XDH: variants seen among roughly 807,000 people sequenced by gnomAD.
XDH encodes xanthine dehydrogenase/oxidase.
XDH carries 138 observed loss-of-function variants against 156.1 expected under a neutral mutation model. That is an observed-to-expected ratio of 0.88 (90% CI 0.77 to 1.02). XDH has a LOEUF of 1.02. Among genes scored for constraint, XDH ranks in the 50% least tolerant of loss-of-function variants. The pLI is 0.00. For synonymous variants in XDH, 669 were observed against 625.7 expected (o/e 1.07, Z -1.03); for missense variants, 1,849 against 1,684.9 (o/e 1.10, Z -1.71).
chr2:31,397,526 T>C, intron 6 of XDH, 142 bp downstream of exon 6: 1 of 1,018,810 alleles, frequency 9.8e-7, no homozygotes, highest in South Asian at 1.3e-5. Context: ...ATGCCAGATG[T>C]CCCCAGAGGG....
intron 11 of XDH, 28 bp downstream of exon 11, chr2:31,382,973 G>A: frequency 6.2e-7 from 1 of 1,613,930 alleles, no homozygotes. Context: ...CATCCTACGG[G>A]CCTCGCTTGC....
chr2:31,353,946 A>T (rs561106731), intron 24 of XDH, among the ~76,000 whole-genome samples: 52 of 152,164 alleles, frequency 3.4e-4, no homozygotes, highest in Non-Finnish European at 7.2e-4. Context: ...ACACCTTATG[A>T]TGGAGTCACT....
At position 31,370,209 on chromosome 2, in the gene XDH, A is replaced by C. The variant is rs1441029446; in HGVS notation, c.1980+146T>G. Reference sequence around the variant, plus strand: ...CAAGTAACATATTCTATCTTTTTGGATTGTCCTGAATATGGGCCAACTGGA... The same window carrying C: ...CAAGTAACATATTCTATCTTTTTGGCTTGTCCTGAATATGGGCCAACTGGA... On this transcript the variant is annotated intron_variant, in intron 18 of 35. Transcript: ENST00000379416. 6.6e-6 allele frequency: 6 copies of C among 910,660 alleles called. No individual in the cohort carries two copies. In the East Asian group the frequency reaches 1.6e-4, roughly 24 times the overall value. The allele number at this position is 910,660 out of a possible 1,614,324, so 56.4% of individuals were successfully genotyped here.
At chr2:31,377,007 G>A (rs1686263301) in intron 14 of XDH, 46 bp downstream of exon 14, 1 of 1,607,102 alleles carries the variant, frequency 6.2e-7, no homozygotes, top group Non-Finnish European at 8.5e-7. Context: ...GATACTATTA[G>A]TAGCAGCAAC....
In XDH at chr2:31,342,175, C is replaced by G. The variant is rs1210636070; in HGVS notation, c.3519+8G>C. ...CCACTAAGTACTAAAGTTTTGCAAA[C>G]TTCTTACCTTATGATCTCCTGTTAG... On this transcript the variant is annotated splice_region_variant and intron_variant, in intron 32 of 35. Transcript: ENST00000379416. 3 of 1,613,248 alleles carry G rather than the reference C, an allele frequency of 1.9e-6. No individual in the cohort carries two copies. The highest frequency in any genetic ancestry group is 1.3e-5 in the African/African-American group (1 of 74,906).
At chr2:31,367,470 A>C (rs955856087) in intron 20 of XDH, among the ~76,000 whole-genome samples, 7 of 152,136 alleles carry the variant, frequency 4.6e-5, no homozygotes, top group African/African-American at 1.7e-4. Context: ...AATGTAAAAA[A>C]CAGTTCCAAA....
At chr2:31,414,467 G>A (rs879307735) in intron 1 of XDH, among the ~76,000 whole-genome samples, 158 bp downstream of exon 1, 1 of 151,826 alleles carries the variant, frequency 6.6e-6, no homozygotes, top group Non-Finnish European at 1.5e-5. Context: ...CTTCCCTAAT[G>A]TTACCAAAAT....
intron 24 of XDH, among the ~76,000 whole-genome samples, chr2:31,354,856 G>C (rs1341697146): frequency 6.6e-6 from 1 of 152,132 alleles, no homozygotes; most frequent in Non-Finnish European, 1.5e-5. Context: ...AAAGAGAAGA[G>C]CATGAAAGTA....
chr2:31,367,586 A>T (rs773424359), intron 20 of XDH, among the ~76,000 whole-genome samples: 9 of 152,076 alleles, frequency 5.9e-5, no homozygotes, highest in Non-Finnish European at 1.3e-4. Flanking sequence ...AGGAGGGAGG[A>T]TGCTAGTTGA....
chr2:31,381,547 G>C (rs1686436097), intron 12 of XDH, 86 bp downstream of exon 12: 1 of 1,365,808 alleles, frequency 7.3e-7, no homozygotes, highest in South Asian at 1.2e-5. Context: ...TGAACTTTGA[G>C]CTCTGTTTCT....
chr2:31,348,703 A>G (rs770841744), intron 27 of XDH, among the ~76,000 whole-genome samples, 196 bp downstream of exon 27: 2 of 152,222 alleles, frequency 1.3e-5, no homozygotes, highest in Non-Finnish European at 2.9e-5. Context: ...GGTTGATCCC[A>G]GATCTCTGAG....
At position 31,366,960 on chromosome 2, in the gene XDH, G is replaced by A. The variant is rs1456531706; in HGVS notation, c.2232C>T (p.Tyr744=). The A allele has an allele frequency of 6.2e-7, 1 of 1,614,120 alleles. No homozygotes were observed. Among genetic ancestry groups the A allele is most frequent in the East Asian group, 2.2e-5 (1 of 44,882 alleles). The change falls in exon 21 of 36, where the codon TAC becomes TAT. Residue 744 remains tyrosine (Y), a synonymous_variant. Transcript: ENST00000379416. ...EIYIGGQEHF[Y]LETHCTIAVP... ...CAGCAATGGTGCAGTGAGTCTCCAGGTAGAAGTGCTCTTGGCCACCGATGT... is the reference window on the plus strand; with the variant it reads ...CAGCAATGGTGCAGTGAGTCTCCAGATAGAAGTGCTCTTGGCCACCGATGT...
chr2:31,348,163 G>C (rs1685352234), intron 28 of XDH, 105 bp downstream of exon 28: 1 of 1,176,542 alleles, frequency 8.5e-7, no homozygotes, highest in African/African-American at 1.5e-5. Context: ...AACAGGGCCA[G>C]GGCCAGACCC....
rs1205313617 is a variant in XDH at position 31,344,687 on chromosome 2, T to C, written c.3401A>G (p.Tyr1134Cys). 4 of 1,614,040 alleles carry C rather than the reference T, an allele frequency of 2.5e-6. No homozygotes were observed. In the Admixed American group the frequency reaches 6.7e-5, roughly 27 times the overall value. ...DTVSLSATGF[Y>C]RTPNLGYSFE... ...GCAAGGACAACACCATACTTACCTA[T>C]AAAACCCAGTGGCAGACAAGCTCAC... Residue 1134 changes from tyrosine to cysteine, a missense_variant, in exon 31 of 36, where the codon TAT becomes TGT. Transcript: ENST00000379416.
intron 14 of XDH, among the ~76,000 whole-genome samples, chr2:31,376,564 C>T (rs887547021): frequency 6.7e-5 from 10 of 149,136 alleles, no homozygotes; most frequent in Admixed American, 2.0e-4. Context: ...ATAGAGTAAG[C>T]GGTAGAAGAG....
chr2:31,337,882 G>C (rs1685010514), intron 34 of XDH, 65 bp from the exon 35 acceptor site: 3 of 1,564,402 alleles, frequency 1.9e-6, no homozygotes, highest in African/African-American at 1.4e-5. Context: ...ATCATCAAGT[G>C]GACCTAGGAG....
chr2:31,384,117 C>A (rs904269657), intron 9 of XDH: 3 of 171,438 alleles, frequency 1.7e-5, no homozygotes, highest in Non-Finnish European at 3.2e-5. Flanking sequence ...TGAATTCACT[C>A]TAGTGTGTGT....
chr2:31,368,397 C>G (rs1419655607), intron 19 of XDH, 144 bp downstream of exon 19: 1 of 1,119,660 alleles, frequency 8.9e-7, no homozygotes, highest in African/African-American at 1.5e-5. Context: ...CATGGGACCC[C>G]AAATCCCAGG....
chr2:31,396,424 T>C (rs1396921326), intron 6 of XDH, among the ~76,000 whole-genome samples: 2 of 152,228 alleles, frequency 1.3e-5, no homozygotes, highest in Non-Finnish European at 2.9e-5. Context: ...GAAGATTATA[T>C]AGAGGCTACT....
Sources: allele counts gnomAD v4.1 joint callset (sites outside exome capture counted in the v4.1 genomes callset), GRCh38; gene constraint gnomAD v4.1.1; transcripts MANE v1.5; gene names NCBI Gene and HGNC (gene_info 2026-07-23, HGNC 2026-07-21).